The following ATP8A2 variants were observed in gnomAD, a reference collection of about 807,000 sequenced individuals.
The protein encoded by ATP8A2 is ATPase phospholipid transporting 8A2.
ATP8A2 carries 100 observed loss-of-function variants against 165.6 expected under a neutral mutation model. The ratio of observed to expected loss-of-function variants is 0.60; its 90% CI spans 0.51 to 0.71. ATP8A2 has a LOEUF of 0.71. Among genes scored for constraint, ATP8A2 ranks in the 30% least tolerant of loss-of-function variants. ATP8A2 has a pLI of 0.00. For synonymous variants in ATP8A2, 543 were observed against 548.8 expected (o/e 0.99, Z 0.15); for missense variants, 1,227 against 1,479.5 (o/e 0.83, Z 2.80).
At position 25,577,036 on chromosome 13, in the gene ATP8A2, C is replaced by A. The variant is rs769584497; in HGVS notation, c.1713-33C>A. ...GTGGGATATGCATCCTGTAAACAGA[C>A]CAATGATGACTTTTTTTTTTTCACT... On this transcript the variant is annotated intron_variant, in intron 19 of 36. Transcript: ENST00000381655. 43 of 1,582,276 alleles carry A rather than the reference C, an allele frequency of 2.7e-5. 1 individual carries two copies. The South Asian group carries it at 3.5e-4, about 13-fold the overall frequency.
intron 1 of ATP8A2, among the ~76,000 whole-genome samples, chr13:25,441,869 G>T (rs2034940430): frequency 6.6e-6 from 1 of 152,056 alleles, no homozygotes; most frequent in African/African-American, 2.4e-5. Flanking sequence ...TTTTTCATCT[G>T]TAAAACTAAA....
intron 33 of ATP8A2, among the ~76,000 whole-genome samples, chr13:25,920,380 G>A (rs1954412817): frequency 1.3e-5 from 2 of 151,476 alleles, no homozygotes; most frequent in South Asian, 2.1e-4. Flanking sequence ...CCCTCCAGAT[G>A]TATCAATCTA....
At chr13:25,942,495 T>C (rs565749309) in intron 33 of ATP8A2, among the ~76,000 whole-genome samples, 2 of 152,342 alleles carry the variant, frequency 1.3e-5, no homozygotes, top group South Asian at 4.1e-4. Flanking sequence ...TGATCTTGGC[T>C]CACTGCCACA....
At chr13:25,499,659 T>G (rs1187959909) in intron 2 of ATP8A2, among the ~76,000 whole-genome samples, 1 of 152,212 alleles carries the variant, frequency 6.6e-6, no homozygotes, top group Non-Finnish European at 1.5e-5. Flanking sequence ...GGTGTGGCTA[T>G]TATCTCAAAC....
At chr13:25,523,807 A>G (rs1041743158) in intron 2 of ATP8A2, among the ~76,000 whole-genome samples, 1 of 152,062 alleles carries the variant, frequency 6.6e-6, no homozygotes, top group African/African-American at 2.4e-5. Flanking sequence ...CTTTTCAAAA[A>G]TTCAAGTTTT....
At chr13:25,390,185 G>A (rs1247453366) in intron 1 of ATP8A2, among the ~76,000 whole-genome samples, 6 of 152,058 alleles carry the variant, frequency 3.9e-5, no homozygotes, top group Non-Finnish European at 5.9e-5. Context: ...GTACAGATGA[G>A]GTTTCACCAT....
chr13:25,596,929 G>A (rs751008296), intron 24 of ATP8A2, among the ~76,000 whole-genome samples: 5 of 152,172 alleles, frequency 3.3e-5, no homozygotes, highest in East Asian at 1.9e-4. Flanking sequence ...ACTGTCAGTC[G>A]TTTTAATTTT....
At chr13:25,531,168 T>TTATA (rs2038026601) in intron 4 of ATP8A2, among the ~76,000 whole-genome samples, 3 of 102,412 alleles carry the variant, frequency 2.9e-5, no homozygotes, top group African/African-American at 1.2e-4. Flanking sequence ...GATATATATG[T>TTATA]TATATGATAT....
chr13:25,405,599 A>G (rs979987896), intron 1 of ATP8A2, among the ~76,000 whole-genome samples: 2 of 152,174 alleles, frequency 1.3e-5, no homozygotes, highest in African/African-American at 2.4e-5. Context: ...CTGGGCAGCC[A>G]GGTACTGCCC....
chr13:25,472,956 G>A (rs1566161339), intron 2 of ATP8A2, among the ~76,000 whole-genome samples: 2 of 152,226 alleles, frequency 1.3e-5, no homozygotes, highest in African/African-American at 4.8e-5. Context: ...CAGAGGAAGG[G>A]AGGGCAGCGA....
At chr13:25,812,875 T>C (rs1283704368) in intron 27 of ATP8A2, among the ~76,000 whole-genome samples, 1 of 152,084 alleles carries the variant, frequency 6.6e-6, no homozygotes, top group Non-Finnish European at 1.5e-5. Flanking sequence ...GTGGTACATA[T>C]ACACCATAGA....
intron 25 of ATP8A2, among the ~76,000 whole-genome samples, chr13:25,700,326 T>C (rs149718740): frequency 6.4e-4 from 98 of 152,322 alleles, no homozygotes; most frequent in Non-Finnish European, 1.0e-3. Context: ...CCTTTGAGTA[T>C]ATTCACAAAA....
chr13:25,498,940 G>A (rs2036764034), intron 2 of ATP8A2, among the ~76,000 whole-genome samples: 1 of 152,136 alleles, frequency 6.6e-6, no homozygotes, highest in Admixed American at 6.5e-5. Flanking sequence ...TGTACCCAGA[G>A]ACTGTTTATA....
chr13:25,554,926 A>G, intron 12 of ATP8A2, 65 bp from the exon 13 acceptor site: 1 of 1,024,702 alleles, frequency 9.8e-7, no homozygotes, highest in Non-Finnish European at 1.5e-6. Flanking sequence ...TTTCTGTGTT[A>G]ATCTGAATGA....
chr13:25,734,389 G>A (rs2043721602), intron 25 of ATP8A2, among the ~76,000 whole-genome samples: 2 of 152,182 alleles, frequency 1.3e-5, no homozygotes. Context: ...TATGTCTGGA[G>A]GATAGGAAGT....
At chr13:25,537,836 T>G (rs2038337473) in intron 6 of ATP8A2, 152 bp from the exon 7 acceptor site, 1 of 489,610 alleles carries the variant, frequency 2.0e-6, no homozygotes, top group South Asian at 5.1e-5. Context: ...CCTTTTGTTC[T>G]TGTCAAGGAA....
chr13:25,522,517 C>A (rs569902302), intron 2 of ATP8A2, among the ~76,000 whole-genome samples: 1 of 152,178 alleles, frequency 6.6e-6, no homozygotes, highest in South Asian at 2.1e-4. Context: ...CAATTTTTCC[C>A]AGTTGAGTAT....
At chr13:25,755,988 G>A (rs928019026) in intron 25 of ATP8A2, among the ~76,000 whole-genome samples, 1 of 152,180 alleles carries the variant, frequency 6.6e-6, no homozygotes, top group Non-Finnish European at 1.5e-5. Flanking sequence ...GGACACGTCA[G>A]CCAAGACTTT....
intron 2 of ATP8A2, among the ~76,000 whole-genome samples, chr13:25,490,051 G>A (rs1423203874): frequency 6.6e-6 from 1 of 152,200 alleles, no homozygotes; most frequent in African/African-American, 2.4e-5. Flanking sequence ...CAGCGCAGTG[G>A]TGGAATATCG....
Sources: gnomAD v4.1 joint callset for allele counts (sites outside exome capture counted in the v4.1 genomes callset) on GRCh38, gnomAD v4.1.1 for gene constraint, MANE v1.5 for transcripts, NCBI Gene and HGNC (gene_info 2026-07-23, HGNC 2026-07-21) for gene names.